The following BDP1 variants were observed in gnomAD, a reference collection of about 807,000 sequenced individuals.
BDP1 encodes transcription factor TFIIIB component B'' homolog.
BDP1 carries 169 observed loss-of-function variants against 266.6 expected under a neutral mutation model. The observed-to-expected ratio is 0.63, with a 90% confidence interval of 0.56 to 0.72. The LOEUF is 0.72. Ranked by LOEUF, BDP1 falls within the 30% of genes least tolerant of loss-of-function variation. The probability of loss-of-function intolerance (pLI) is 0.00; values close to 1 mark genes in which losing one functional copy is unlikely to be tolerated. For missense variants in BDP1, 3,015 were observed against 3,053.8 expected (o/e 0.99, Z 0.30); for synonymous variants, 1,090 against 1,022.4 (o/e 1.07, Z -1.26).
chr5:71,557,375 AT>A (rs55810132), intron 36 of BDP1, among the ~76,000 whole-genome samples: 33 of 103,348 alleles, frequency 3.2e-4, no homozygotes, highest in African/African-American at 1.3e-3. Flanking sequence ...TGCCAAGCTA[AT>A]TTTTTTTTTT....
At chr5:71,471,758 C>T (rs1487644942) in intron 7 of BDP1, among the ~76,000 whole-genome samples, 1 of 152,168 alleles carries the variant, frequency 6.6e-6, no homozygotes, top group Admixed American at 6.5e-5. Context: ...GAGATCTTTA[C>T]TCAACCATGG....
rs1209896471 is a variant in BDP1, at chr5:71,501,640, G to A, written c.2035G>A (p.Glu679Lys). 7.3e-7 allele frequency: 1 copy of A among 1,373,134 alleles called. No homozygotes were observed. The highest frequency in any genetic ancestry group is 1.0e-6 in the Non-Finnish European group (1 of 976,792). 85.1% of individuals were successfully genotyped at this position (1,373,134 alleles called of 1,614,324 possible). Reference sequence around the variant, plus strand: ...TACAGAGAGAGAGAATCCAGAAGCTGAAACTGTATCTGTGTGAGTATTCAG... The same window carrying A: ...TACAGAGAGAGAGAATCCAGAAGCTAAAACTGTATCTGTGTGAGTATTCAG... ...ETTERENPEAETVSVLGEKNC... is the reference protein window; with the variant it reads ...ETTERENPEAKTVSVLGEKNC... The change falls in exon 14 of 39, where the codon GAA becomes AAA. Residue 679 changes from glutamate to lysine, a missense_variant. This residue lies in a region of BDP1 where 2,383 missense variants were observed against 2,404.9 expected (regional missense o/e 0.99). Coordinates refer to ENST00000358731, the MANE Select transcript of BDP1 (RefSeq NM_018429.3).
intron 25 of BDP1, among the ~76,000 whole-genome samples, chr5:71,528,078 C>T (rs575135539): frequency 5.3e-5 from 8 of 152,270 alleles, no homozygotes; most frequent in African/African-American, 1.9e-4. Context: ...GCCTGGGCCT[C>T]CCAAAGTGCT....
At chr5:71,524,410 AG>A in intron 25 of BDP1, 87 bp downstream of exon 25, 1 of 1,313,928 alleles carries the variant, frequency 7.6e-7, no homozygotes, top group Non-Finnish European at 1.0e-6. Flanking sequence ...TTCTTCTCGT[AG>A]TGATTATTAG....
At chr5:71,475,908 T>A (rs1293356609) in intron 7 of BDP1, 5 of 152,526 alleles carry the variant, frequency 3.3e-5, no homozygotes, top group African/African-American at 1.2e-4. Flanking sequence ...TGTGATTGTG[T>A]GGTCAGCTTT....
intron 16 of BDP1, among the ~76,000 whole-genome samples, chr5:71,506,390 A>C: frequency 6.6e-6 from 1 of 152,148 alleles, no homozygotes; most frequent in East Asian, 1.9e-4. Flanking sequence ...GTCTAACAGA[A>C]AGTTTTCCCC....
At position 71,513,276 on chromosome 5, in the gene BDP1, A is replaced by G. The variant is rs748089643; in HGVS notation, c.4339A>G (p.Arg1447Gly). 6.2e-7 allele frequency: 1 copy of G among 1,613,634 alleles called. No individual in the cohort carries two copies. Among genetic ancestry groups the G allele is most frequent in the South Asian group, 1.1e-5 (1 of 91,054 alleles). ...CAAAAGACCAAAACCAAACTTAGCAAGAGCAGCTTTGAAGAGAGAGACTAC... is the reference window on the plus strand; with the variant it reads ...CAAAAGACCAAAACCAAACTTAGCAGGAGCAGCTTTGAAGAGAGAGACTAC... Reference protein sequence around the residue: ...RFKRPKPNLARAALKRETTES... With the variant: ...RFKRPKPNLAGAALKRETTES... Residue 1447 changes from arginine to glycine, a missense_variant, in exon 19 of 39, where the codon AGA (arginine) becomes GGA (glycine). This residue lies in a region of BDP1 where 2,383 missense variants were observed against 2,404.9 expected (regional missense o/e 0.99). Transcript: ENST00000358731.
chr5:71,499,651 T>C (rs1764112185), intron 13 of BDP1, among the ~76,000 whole-genome samples: 2 of 152,124 alleles, frequency 1.3e-5, no homozygotes, highest in Admixed American at 6.6e-5. Flanking sequence ...AAAACCCTTT[T>C]CCTCTGAAAC....
At position 71,532,392 on chromosome 5, in the gene BDP1, G is replaced by A; in HGVS notation, c.5857G>A (p.Glu1953Lys). ...ELPNTDVTTE[E>K]MKQEENLSVP... ...ACCAAACACAGATGTGACTACTGAA[G>A]AAATGAAACAAGAAGAAAATTTGAG... The change falls in exon 26 of 39, where the codon GAA becomes AAA. Residue 1953 changes from glutamate to lysine, a missense_variant. Glu to Lys is a moderately conservative substitution (Grantham distance 56). Transcript: ENST00000358731. 1 of 1,613,588 alleles carries A rather than the reference G, an allele frequency of 6.2e-7. No individual in the cohort carries two copies. Among genetic ancestry groups the A allele is most frequent in the Non-Finnish European group, 8.5e-7 (1 of 1,179,708 alleles).
chr5:71,510,558 G>A lies in BDP1; in HGVS notation c.3466G>A (p.Glu1156Lys), dbSNP rs199781951. Residue 1156 changes from glutamate (E) to lysine (K), a missense_variant, in exon 17 of 39, where the codon GAG becomes AAG. Physicochemically the swap from Glu to Lys is moderately conservative, Grantham distance 56. Transcript: ENST00000358731. Reference protein sequence around the residue: ...EETGRREISPEENGPEEVKPV... With the variant: ...EETGRREISPKENGPEEVKPV... Reference sequence around the variant, plus strand: ...AACTGGAAGAAGAGAAATATCCCCAGAGGAAAATGGCCCAGAGGAGGTCAA... The same window carrying A: ...AACTGGAAGAAGAGAAATATCCCCAAAGGAAAATGGCCCAGAGGAGGTCAA... 293 of 1,611,174 alleles carry A rather than the reference G, an allele frequency of 1.8e-4. 1 individual carries two copies. The highest frequency in any genetic ancestry group is 2.3e-4 in the Non-Finnish European group (269 of 1,178,984).
rs1449738829 is a variant in BDP1, at chr5:71,542,228, G to A, written c.6375G>A (p.Leu2125=). The A allele has an allele frequency of 6.2e-7, 1 of 1,612,834 alleles. No homozygotes were observed. The highest frequency in any genetic ancestry group is 1.3e-5 in the African/African-American group (1 of 74,904). The change falls in exon 30 of 39, where the codon TTG becomes TTA. Residue 2125 remains leucine, a synonymous_variant. Coordinates refer to ENST00000358731, the MANE Select transcript of BDP1 (RefSeq NM_018429.3). The stretch of plus-strand genomic sequence containing the variant: ...ATGATTATCAGGAAGTTTCCAGTTT[G>A]TGTGTAACCAAAGGGGCAGAAATGG... The part of the protein sequence containing the change: ...RLDDYQEVSS[L]CVTKGAEMET...
At chr5:71,474,931 G>C (rs1762495947) in intron 7 of BDP1, among the ~76,000 whole-genome samples, 1 of 151,088 alleles carries the variant, frequency 6.6e-6, no homozygotes. Flanking sequence ...CTGGCCCCCA[G>C]TATAAAATTT....
In BDP1 at chr5:71,511,260, A is replaced by T. The variant is rs753831330; in HGVS notation, c.4059+109A>T. ...GTCCAACAACACTTAAAAATCTCTA[A>T]AAGTCTAAAGTCTTTTGTAGCCCTA... On this transcript the variant is annotated intron_variant, in intron 17 of 38. Transcript: ENST00000358731. 5.7e-6 allele frequency: 6 copies of T among 1,056,994 alleles called. No homozygotes were observed. The South Asian group carries it at 9.7e-5, about 17-fold the overall frequency. 65.5% of individuals were successfully genotyped at this position (1,056,994 alleles called of 1,614,324 possible). A position where few individuals can be genotyped will look rare whatever the true frequency, so the allele number is the denominator to read the frequency against.
At chr5:71,484,416 A>G (rs1485522972) in intron 8 of BDP1, among the ~76,000 whole-genome samples, 1 of 152,134 alleles carries the variant, frequency 6.6e-6, no homozygotes, top group Non-Finnish European at 1.5e-5. Context: ...GTTGATAAGC[A>G]TAATTTTAGG....
chr5:71,506,781 T>TATATATA (rs201899514), intron 16 of BDP1, among the ~76,000 whole-genome samples: 1 of 106,706 alleles, frequency 9.4e-6, no homozygotes, highest in African/African-American at 3.4e-5. Context: ...TATATATATA[T>TATATATA]TTGAAACACA....
chr5:71,462,770 AT>A lies in BDP1; in HGVS notation c.599+845del, dbSNP rs532420056. ...GCGAGATCCTGTCTCAAAAAAAAAA[AT>A]GTTTTTTCTTTGTTATATTAGTTAC... is the stretch of plus-strand genomic sequence containing the variant. On this transcript the variant is annotated intron_variant, in intron 3 of 38. Transcript: ENST00000358731. 4.2e-3 allele frequency among the ~76,000 whole-genome samples: 633 copies of A among 152,204 alleles called. 9 individuals are homozygous for A. Among genetic ancestry groups the A allele is most frequent in the African/African-American group, 0.014 (591 of 41,500 alleles).
At chr5:71,528,210 A>C (rs1766030897) in intron 25 of BDP1, among the ~76,000 whole-genome samples, 1 of 152,190 alleles carries the variant, frequency 6.6e-6, no homozygotes, top group African/African-American at 2.4e-5. Flanking sequence ...CCCTATCAAC[A>C]GTGTACAAGC....
At chr5:71,576,493 C>T in the BDP1 span, among the ~76,000 whole-genome samples, 4 of 152,264 alleles carry the variant, frequency 2.6e-5, no homozygotes, top group East Asian at 7.7e-4. Context: ...TTAATGTAAC[C>T]GGTGTGCTAA....
In BDP1 at chr5:71,491,030, T is replaced by A. The variant is rs961692628; in HGVS notation, c.1539T>A (p.Ser513Arg). Residue 513 changes from serine (S) to arginine (R), a missense_variant, in exon 11 of 39, where the codon AGT (serine) becomes AGA (arginine). Physicochemically the swap from Ser to Arg is moderately radical, Grantham distance 110. Transcript: ENST00000358731. ...IRPELKEGEC[S>R]KEQMLSCTQN... ...CTGAGCTAAAGGAAGGTGAATGCAG[T>A]AAGGAGCAGATGCTTTCCTGCACAC... 6.2e-6 allele frequency: 10 copies of A among 1,613,582 alleles called. No individual in the cohort carries two copies. Among genetic ancestry groups the A allele is most frequent in the Non-Finnish European group, 7.6e-6 (9 of 1,179,704 alleles).
Sources: allele counts gnomAD v4.1 joint callset (sites outside exome capture counted in the v4.1 genomes callset), GRCh38; gene constraint gnomAD v4.1.1; regional missense constraint gnomAD v4.1.1; transcripts MANE v1.5; gene names NCBI Gene and HGNC (gene_info 2026-07-23, HGNC 2026-07-21).